MED13L: variants seen among roughly 807,000 people sequenced by gnomAD.
The protein encoded by MED13L is mediator complex subunit 13L.
Under a neutral mutation model 220.9 loss-of-function variants are expected in MED13L, and 7 were observed. The observed-to-expected ratio is 0.03, with a 90% confidence interval of 0.02 to 0.06. The LOEUF (loss-of-function observed/expected upper bound fraction) is 0.06, where lower values mean the gene tolerates loss of function less well. MED13L is among the 10% of genes least tolerant of loss of function. The pLI, the probability that MED13L is intolerant of heterozygous loss-of-function variation, is 1.00. For synonymous variants in MED13L, 1,011 were observed against 1,015.2 expected (o/e 1.00, Z 0.08); for missense variants, 1,965 against 2,760.5 (o/e 0.71, Z 6.46).
At chr12:115,962,618 A>T (rs984729307) in intron 30 of MED13L, 1 of 152,290 alleles carries the variant, frequency 6.6e-6, no homozygotes, top group Non-Finnish European at 1.5e-5. Flanking sequence ...AAGAGTTAGA[A>T]AACATTAGAA....
chr12:116,080,669 G>A (rs961929097), intron 4 of MED13L, among the ~76,000 whole-genome samples: 1 of 152,114 alleles, frequency 6.6e-6, no homozygotes, highest in Non-Finnish European at 1.5e-5. Flanking sequence ...TTTTTCCGTG[G>A]TAGCTGTGAT....
chr12:116,127,112 G>A (rs2137984891), intron 2 of MED13L, among the ~76,000 whole-genome samples: 1 of 152,238 alleles, frequency 6.6e-6, no homozygotes, highest in Middle Eastern at 3.4e-3. Context: ...TTAAATACCA[G>A]CTATTAAAAA....
chr12:116,004,465 C>T (rs529497174), intron 13 of MED13L, among the ~76,000 whole-genome samples: 72 of 152,176 alleles, frequency 4.7e-4, no homozygotes, highest in African/African-American at 1.6e-3. Flanking sequence ...TTCCTGCTTT[C>T]GGCATATCAG....
chr12:116,187,668 C>T (rs1880984109), intron 2 of MED13L, among the ~76,000 whole-genome samples: 1 of 151,954 alleles, frequency 6.6e-6, no homozygotes, highest in Admixed American at 6.6e-5. Context: ...CTATGCTAAT[C>T]ATAGGGGATG....
intron 1 of MED13L, among the ~76,000 whole-genome samples, chr12:116,275,010 T>C (rs529410627): frequency 6.7e-6 from 1 of 149,806 alleles, no homozygotes; most frequent in South Asian, 2.1e-4. Context: ...AAAAAAAAGA[T>C]AAAAGAAATG....
chr12:116,152,750 A>C (rs559415763), intron 2 of MED13L, among the ~76,000 whole-genome samples: 1 of 152,320 alleles, frequency 6.6e-6, no homozygotes, highest in East Asian at 1.9e-4. Flanking sequence ...TTATTTTTTA[A>C]AAATGCATGC....
At chr12:116,046,127 T>C (rs982673168) in intron 4 of MED13L, among the ~76,000 whole-genome samples, 12 of 152,248 alleles carry the variant, frequency 7.9e-5, no homozygotes, top group African/African-American at 2.9e-4. Flanking sequence ...AGTCAAAATA[T>C]GGTAGGCTGG....
chr12:116,226,352 AG>A (rs1868990925), intron 2 of MED13L, among the ~76,000 whole-genome samples: 1 of 152,194 alleles, frequency 6.6e-6, no homozygotes, highest in Non-Finnish European at 1.5e-5. Flanking sequence ...TTATACTAAG[AG>A]TGCATTTTAT....
chr12:115,983,462 T>G lies in MED13L; in HGVS notation c.4610A>C (p.Gln1537Pro). The G allele has an allele frequency of 1.9e-6, 3 of 1,614,194 alleles. No homozygotes were observed. In the South Asian group the frequency reaches 3.3e-5, roughly 18 times the overall value. The change falls in exon 21 of 31, where the codon CAG becomes CCG. Residue 1537 changes from glutamine to proline, a missense_variant. By Grantham distance (76) the Gln-to-Pro change is moderately conservative. This residue lies in a region of MED13L where 510 missense variants were observed against 620.4 expected (regional missense o/e 0.82). Coordinates refer to ENST00000281928, the MANE Select transcript of MED13L (RefSeq NM_015335.5). ...PKYQTPPAAAQGQATPGNAGP... is the reference protein window; with the variant it reads ...PKYQTPPAAAPGQATPGNAGP... ...AGCATTCCCTGGCGTAGCTTGTCCCTGTGCTGCTGCTGGTGGGGTCTGGTA... is the reference window on the plus strand; with the variant it reads ...AGCATTCCCTGGCGTAGCTTGTCCCGGTGCTGCTGCTGGTGGGGTCTGGTA...
intron 4 of MED13L, among the ~76,000 whole-genome samples, chr12:116,086,395 T>C (rs931989292): frequency 4.6e-5 from 7 of 151,756 alleles, no homozygotes. Flanking sequence ...GCGATTCTCC[T>C]GCCTCAGCTC....
At chr12:116,123,315 A>G (rs2137964264) in intron 2 of MED13L, among the ~76,000 whole-genome samples, 1 of 152,308 alleles carries the variant, frequency 6.6e-6, no homozygotes, top group Admixed American at 6.5e-5. Flanking sequence ...TACAAGGAAA[A>G]CCAATATTTT....
chr12:116,086,526 C>G (rs1413124824), intron 4 of MED13L, among the ~76,000 whole-genome samples: 1 of 152,126 alleles, frequency 6.6e-6, no homozygotes, highest in African/African-American at 2.4e-5. Flanking sequence ...AAGTGATCTG[C>G]CTGTCTCGGC....
chr12:116,053,208 A>G (rs1384379904), intron 4 of MED13L, among the ~76,000 whole-genome samples: 1 of 152,212 alleles, frequency 6.6e-6, no homozygotes, highest in Non-Finnish European at 1.5e-5. Flanking sequence ...GCACAGATAC[A>G]AGTGATTAGG....
chr12:116,251,056 G>A (rs1871505865), intron 1 of MED13L, among the ~76,000 whole-genome samples: 2 of 150,220 alleles, frequency 1.3e-5, no homozygotes, highest in Non-Finnish European at 3.0e-5. Context: ...AAAGGAAAGA[G>A]GTATATCTAA....
chr12:116,006,065 G>C, intron 12 of MED13L, 72 bp from the exon 13 acceptor site: 1 of 1,585,348 alleles, frequency 6.3e-7, no homozygotes, highest in South Asian at 1.1e-5. Context: ...AGAGGACACG[G>C]ATCTCAATGA....
intron 2 of MED13L, among the ~76,000 whole-genome samples, chr12:116,138,916 TA>T (rs1876818651): frequency 6.6e-6 from 1 of 152,212 alleles, no homozygotes; most frequent in Non-Finnish European, 1.5e-5. Context: ...AAACCTCCCT[TA>T]AGTGCCTATT....
intron 4 of MED13L, among the ~76,000 whole-genome samples, chr12:116,081,153 C>T (rs776806397): frequency 6.6e-6 from 1 of 152,190 alleles, no homozygotes; most frequent in Non-Finnish European, 1.5e-5. Flanking sequence ...ACATTAACCA[C>T]TTTTGTAACT....
At chr12:116,090,591 TAGAGAATC>T (rs759320212) in intron 4 of MED13L, among the ~76,000 whole-genome samples, 10 of 152,168 alleles carry the variant, frequency 6.6e-5, no homozygotes, top group South Asian at 4.1e-4. Flanking sequence ...TCACTTCACT[TAGAGAATC>T]AGAGAATCAG....
chr12:116,006,102 T>C (rs904197516), intron 12 of MED13L, 109 bp from the exon 13 acceptor site: 3 of 1,496,528 alleles, frequency 2.0e-6, no homozygotes, highest in South Asian at 2.3e-5. Flanking sequence ...AGTTTTTCCC[T>C]ATGGTTTTAG....
Sources: allele counts gnomAD v4.1 joint callset (sites outside exome capture counted in the v4.1 genomes callset), GRCh38; gene constraint gnomAD v4.1.1; regional missense constraint gnomAD v4.1.1; transcripts MANE v1.5; gene names NCBI Gene and HGNC (gene_info 2026-07-23, HGNC 2026-07-21).